Variants in ROBO2 observed in about 807,000 individuals in gnomAD.
ROBO2 encodes roundabout homolog 2.
A neutral mutation model predicts 160.8 loss-of-function variants in ROBO2; 53 were observed. The ratio of observed to expected loss-of-function variants is 0.33; its 90% CI spans 0.26 to 0.41. The LOEUF is 0.41. Ranked by LOEUF, ROBO2 falls within the 10% of genes least tolerant of loss-of-function variation. The pLI, the probability that ROBO2 is intolerant of heterozygous loss-of-function variation, is 1.00. For missense variants in ROBO2, 1,577 were observed against 1,722.4 expected (o/e 0.92, Z 1.49); for synonymous variants, 664 against 611.7 (o/e 1.09, Z -1.26).
At chr3:77,597,012 T>G (rs1244913838) in intron 19 of ROBO2, among the ~76,000 whole-genome samples, 4 of 152,098 alleles carry the variant, frequency 2.6e-5, no homozygotes, top group Non-Finnish European at 5.9e-5. Flanking sequence ...ATATATATGC[T>G]TTCAGGATTA....
chr3:76,825,014 C>T (rs1037123255), intron 2 of ROBO2, among the ~76,000 whole-genome samples: 1 of 152,194 alleles, frequency 6.6e-6, no homozygotes, highest in Non-Finnish European at 1.5e-5. Flanking sequence ...CTCAACTTCT[C>T]AGGGAGTGCT....
intron 2 of ROBO2, among the ~76,000 whole-genome samples, chr3:77,178,208 G>A (rs1394877691): frequency 6.6e-6 from 1 of 152,016 alleles, no homozygotes; most frequent in Non-Finnish European, 1.5e-5. Flanking sequence ...ATGGAGAAGA[G>A]CAATGTGTTG....
chr3:76,451,637 CA>C (rs1207680130), intron 2 of ROBO2, among the ~76,000 whole-genome samples: 19 of 152,154 alleles, frequency 1.2e-4, no homozygotes, highest in African/African-American at 4.6e-4. Flanking sequence ...TTCCATTAAG[CA>C]CTTTGAGGCC....
chr3:77,597,719 A>T (rs560369492), intron 19 of ROBO2, among the ~76,000 whole-genome samples: 1 of 152,332 alleles, frequency 6.6e-6, no homozygotes, highest in South Asian at 2.1e-4. Flanking sequence ...TATGGAAAAA[A>T]AAAAGTGTTT....
chr3:76,332,498 G>A (rs1460691302), intron 2 of ROBO2, among the ~76,000 whole-genome samples: 1 of 152,110 alleles, frequency 6.6e-6, no homozygotes, highest in Admixed American at 6.5e-5. Flanking sequence ...TTTCAAACTC[G>A]TAGATTCAAG....
At chr3:76,628,301 G>C (rs2089797861) in intron 2 of ROBO2, among the ~76,000 whole-genome samples, 1 of 151,910 alleles carries the variant, frequency 6.6e-6, no homozygotes, top group African/African-American at 2.4e-5. Context: ...CCAGGCTGGA[G>C]TACAGTGGCA....
chr3:75,957,508 A>G (rs1948764027), intron 2 of ROBO2, among the ~76,000 whole-genome samples: 1 of 151,334 alleles, frequency 6.6e-6, no homozygotes, highest in African/African-American at 2.4e-5. Flanking sequence ...AGTTTTTAAT[A>G]GAAGGTTTTT....
At chr3:76,272,853 A>ATTATATG (rs1707588441) in intron 2 of ROBO2, among the ~76,000 whole-genome samples, 1 of 87,664 alleles carries the variant, frequency 1.1e-5, no homozygotes. Context: ...TATATTATAT[A>ATTATATG]TAAAATATAT....
At chr3:76,545,548 T>A (rs2083049067) in intron 2 of ROBO2, among the ~76,000 whole-genome samples, 1 of 151,992 alleles carries the variant, frequency 6.6e-6, no homozygotes, top group Non-Finnish European at 1.5e-5. Context: ...AGCCCTGCTG[T>A]TAATGATTCT....
intron 2 of ROBO2, among the ~76,000 whole-genome samples, chr3:76,036,116 G>A (rs71315331): frequency 0.11 from 16,086 of 151,706 alleles, 1,159 homozygotes; most frequent in Non-Finnish European, 0.15. Context: ...GGATGATGTC[G>A]TGGAATATTG....
intron 2 of ROBO2, among the ~76,000 whole-genome samples, chr3:76,459,267 A>G (rs1290132004): frequency 6.6e-6 from 1 of 152,210 alleles, no homozygotes. Flanking sequence ...TCCATATCCT[A>G]GTGATATATA....
chr3:77,598,482 A>G (rs1490803613), intron 19 of ROBO2, among the ~76,000 whole-genome samples: 1 of 135,952 alleles, frequency 7.4e-6, no homozygotes, highest in Non-Finnish European at 1.5e-5. Flanking sequence ...TTATTTATAT[A>G]GTGTGTATAT....
chr3:76,037,227 C>G (rs747112664), intron 2 of ROBO2, among the ~76,000 whole-genome samples: 31 of 151,184 alleles, frequency 2.1e-4, no homozygotes, highest in Non-Finnish European at 4.1e-4. Context: ...GAAACACATG[C>G]TAAATTAAAA....
intron 2 of ROBO2, among the ~76,000 whole-genome samples, chr3:76,416,740 T>C (rs142665903): frequency 2.4e-4 from 36 of 152,290 alleles, no homozygotes; most frequent in African/African-American, 8.2e-4. Flanking sequence ...CTAGACTAAG[T>C]CACCTGAAGA....
intron 2 of ROBO2, among the ~76,000 whole-genome samples, chr3:76,866,322 C>T (rs906604621): frequency 3.3e-5 from 5 of 152,046 alleles, no homozygotes; most frequent in African/African-American, 4.8e-5. Context: ...TTTGGAAGAA[C>T]GCTATTTGTA....
intron 2 of ROBO2, among the ~76,000 whole-genome samples, chr3:76,486,047 A>G (rs2079479843): frequency 6.6e-6 from 1 of 152,126 alleles, no homozygotes; most frequent in Non-Finnish European, 1.5e-5. Context: ...AGCCATCTTC[A>G]CCTCCATCTC....
chr3:77,129,997 C>T (rs1478436736), intron 2 of ROBO2, among the ~76,000 whole-genome samples: 10 of 152,098 alleles, frequency 6.6e-5, no homozygotes, highest in East Asian at 1.9e-4. Context: ...GAGAAGACAA[C>T]GCTTCAAAAC....
chr3:76,041,923 A>G (rs1158531102), intron 2 of ROBO2, among the ~76,000 whole-genome samples: 1 of 151,700 alleles, frequency 6.6e-6, no homozygotes, highest in African/African-American at 2.4e-5. Context: ...TCTCTTGATC[A>G]TCGGAAATCT....
chr3:77,510,058 A>G (rs1445726790), intron 5 of ROBO2, among the ~76,000 whole-genome samples: 1 of 151,952 alleles, frequency 6.6e-6, no homozygotes, highest in Non-Finnish European at 1.5e-5. Context: ...GTGCTCGAGT[A>G]TAGGAGGGGA....
Sources: gnomAD v4.1 joint callset for allele counts (sites outside exome capture counted in the v4.1 genomes callset) on GRCh38, gnomAD v4.1.1 for gene constraint, MANE v1.5 for transcripts, NCBI Gene and HGNC (gene_info 2026-07-23, HGNC 2026-07-21) for gene names.